SLCO5A1: variants seen among roughly 807,000 people sequenced by gnomAD.
SLCO5A1 encodes the protein organic anion transporter polypeptide-related protein 4.
In SLCO5A1, 39 loss-of-function variants were observed where a neutral mutation model predicts 65.1. The observed-to-expected ratio is 0.60, with a 90% CI of 0.46 to 0.78. SLCO5A1 has a LOEUF of 0.78. Ranked by LOEUF, SLCO5A1 falls within the 30% of genes least tolerant of loss-of-function variation. The pLI is 0.00. For missense variants in SLCO5A1, 1,029 were observed against 1,069.4 expected (o/e 0.96, Z 0.53); for synonymous variants, 438 against 415.7 (o/e 1.05, Z -0.65).
rs377275182 is a variant in SLCO5A1, at chr8:69,715,561, A to G, written c.1424-10332T>C. Among the ~76,000 whole-genome samples, 58 of 152,290 alleles carry G rather than the reference A, an allele frequency of 3.8e-4. 1 individual carries two copies. The South Asian group carries it at 6.6e-3, about 17-fold the overall frequency. ...CTAATAGCAGAACTGCAAAACCCTG[A>G]CAAAGCTACCCTTCCCCTAGGAGAA... is the stretch of plus-strand genomic sequence containing the variant. On this transcript the variant is annotated intron_variant, in intron 5 of 9. Coordinates refer to ENST00000260126, the MANE Select transcript of SLCO5A1 (RefSeq NM_030958.3).
intron 2 of SLCO5A1, among the ~76,000 whole-genome samples, chr8:69,814,259 A>C (rs530568138): frequency 6.6e-6 from 1 of 152,346 alleles, no homozygotes; most frequent in African/African-American, 2.4e-5. Flanking sequence ...CAGACAGCCC[A>C]CAGATCGCAA....
chr8:69,732,747 G>C (rs1268824035), intron 5 of SLCO5A1, among the ~76,000 whole-genome samples: 2 of 152,040 alleles, frequency 1.3e-5, no homozygotes, highest in Non-Finnish European at 2.9e-5. Flanking sequence ...AAATTAGCTA[G>C]GCATGGTGGC....
intron 4 of SLCO5A1, among the ~76,000 whole-genome samples, chr8:69,748,737 ACAGTG>A (rs1773701334): frequency 6.6e-6 from 1 of 152,210 alleles, no homozygotes. Flanking sequence ...TGTGGTTTTC[ACAGTG>A]CAGTTCCTGG....
intron 6 of SLCO5A1, among the ~76,000 whole-genome samples, chr8:69,686,024 A>G (rs1813982398): frequency 6.6e-6 from 1 of 152,206 alleles, no homozygotes; most frequent in African/African-American, 2.4e-5. Context: ...CCCTACCCCA[A>G]GATCTAAAGA....
At chr8:69,717,920 G>T (rs1815632253) in intron 5 of SLCO5A1, among the ~76,000 whole-genome samples, 1 of 152,064 alleles carries the variant, frequency 6.6e-6, no homozygotes, top group Admixed American at 6.5e-5. Context: ...TTTGTAGTGA[G>T]AACACACAAA....
rs1327955343 is a variant in SLCO5A1, at chr8:69,667,332, T to C, written c.*5537A>G. 1 of 151,894 alleles carries C rather than the reference T, an allele frequency of 6.6e-6. No individual in the cohort carries two copies. Among genetic ancestry groups the C allele is most frequent in the Non-Finnish European group, 1.5e-5 (1 of 67,944 alleles). 9.4% of individuals were successfully genotyped at this position (151,894 alleles called of 1,614,324 possible). On this transcript the variant is annotated 3_prime_UTR_variant, in exon 10 of 10. Coordinates refer to ENST00000260126, the MANE Select transcript of SLCO5A1 (RefSeq NM_030958.3). ...AACACACACTCCACTAAGAACCTAA[T>C]GCCAGTTTAGTTGACACAGTATTAC... is the stretch of plus-strand genomic sequence containing the variant.
intron 5 of SLCO5A1, among the ~76,000 whole-genome samples, chr8:69,715,111 C>T (rs974648261): frequency 6.6e-5 from 10 of 152,250 alleles, no homozygotes; most frequent in Admixed American, 5.2e-4. Flanking sequence ...TCTGCATCCA[C>T]GCGATAAACC....
intron 5 of SLCO5A1, among the ~76,000 whole-genome samples, chr8:69,722,800 T>TGTGTGTGC (rs1815884936): frequency 6.6e-6 from 1 of 152,018 alleles, no homozygotes; most frequent in South Asian, 2.1e-4. Flanking sequence ...TGTGTGTGTG[T>TGTGTGTGC]GTGTGTGAAT....
intron 6 of SLCO5A1, among the ~76,000 whole-genome samples, chr8:69,682,679 C>T (rs1180166392): frequency 1.3e-5 from 2 of 152,100 alleles, no homozygotes; most frequent in Admixed American, 6.6e-5. Flanking sequence ...TTACTGTAGG[C>T]GCCAGGCTCT....
intron 5 of SLCO5A1, among the ~76,000 whole-genome samples, chr8:69,722,165 C>T (rs1303104850): frequency 1.3e-5 from 2 of 151,976 alleles, no homozygotes; most frequent in Non-Finnish European, 2.9e-5. Flanking sequence ...AGCAAAGACT[C>T]CGTCTCAAAA....
intron 4 of SLCO5A1, among the ~76,000 whole-genome samples, chr8:69,754,712 A>T (rs1429540436): frequency 6.6e-6 from 1 of 152,232 alleles, no homozygotes; most frequent in Non-Finnish European, 1.5e-5. Context: ...GATCACTTCA[A>T]ATTGTTTAGG....
chr8:69,832,301 T>G lies in SLCO5A1; in HGVS notation c.373A>C (p.Thr125Pro). 1 of 1,613,938 alleles carries G rather than the reference T, an allele frequency of 6.2e-7. No homozygotes were observed. Among genetic ancestry groups the G allele is most frequent in the South Asian group, 1.1e-5 (1 of 91,066 alleles). The change falls in exon 2 of 10, where the codon ACG (threonine) becomes CCG (proline). Residue 125 changes from threonine to proline, a missense_variant. Physicochemically the swap from Thr to Pro is conservative, Grantham distance 38. Around this residue, in one of 3 missense-constraint regions of SLCO5A1, gnomAD observed 647 missense variants for 647.5 expected, o/e 1.00. Coordinates refer to ENST00000260126, the MANE Select transcript of SLCO5A1 (RefSeq NM_030958.3). The surrounding 1 kb of genome is among the most constrained non-coding windows in gnomAD (Gnocchi z 4.5). ...CACACCAGGAAGCAACGGGAATCCG[T>G]GAGGACCACGTAGAGGCACCTTCTC... ...QERRCLYVVL[T>P]DSRCFLVCMC...
At chr8:69,794,362 T>C in intron 2 of SLCO5A1, 1 of 430,566 alleles carries the variant, frequency 2.3e-6, no homozygotes, top group Admixed American at 2.7e-5. Context: ...ATAACTGCTC[T>C]CCTACTATTT....
intron 2 of SLCO5A1, among the ~76,000 whole-genome samples, chr8:69,791,087 G>C (rs1819249729): frequency 6.6e-6 from 1 of 152,144 alleles, no homozygotes; most frequent in Non-Finnish European, 1.5e-5. Flanking sequence ...AAAGAATAAA[G>C]GGCTGGAATT....
chr8:69,807,144 A>G (rs1331191212), intron 2 of SLCO5A1, among the ~76,000 whole-genome samples: 1 of 152,246 alleles, frequency 6.6e-6, no homozygotes, highest in African/African-American at 2.4e-5. Flanking sequence ...TACTGGCCAC[A>G]TCTGTGATCA....
intron 6 of SLCO5A1, among the ~76,000 whole-genome samples, chr8:69,686,101 A>G (rs771566799): frequency 6.6e-6 from 1 of 152,168 alleles, no homozygotes; most frequent in Non-Finnish European, 1.5e-5. Context: ...TAAATCAAAG[A>G]GAAGTCCCCT....
intron 3 of SLCO5A1, among the ~76,000 whole-genome samples, chr8:69,760,787 A>G (rs1478364824): frequency 6.6e-6 from 1 of 152,224 alleles, no homozygotes; most frequent in Non-Finnish European, 1.5e-5. Context: ...TGTTATTTGG[A>G]TAAATAACAT....
chr8:69,709,544 AAC>A (rs1815131735), intron 5 of SLCO5A1, among the ~76,000 whole-genome samples: 1 of 152,216 alleles, frequency 6.6e-6, no homozygotes, highest in African/African-American at 2.4e-5. Context: ...ACAGTTGAAA[AAC>A]ACAGAAAAGT....
chr8:69,809,557 A>C (rs549165101), intron 2 of SLCO5A1, among the ~76,000 whole-genome samples: 4 of 152,308 alleles, frequency 2.6e-5, no homozygotes, highest in African/African-American at 9.6e-5. Flanking sequence ...TGAGTCATTT[A>C]AAAGCAGCTT....
Sources: gnomAD v4.1 joint callset for allele counts (sites outside exome capture counted in the v4.1 genomes callset) on GRCh38, gnomAD v4.1.1 for gene constraint, gnomAD v4.1.1 regional missense constraint, Gnocchi (gnomAD v3.1) non-coding constraint, MANE v1.5 for transcripts, NCBI Gene and HGNC (gene_info 2026-07-23, HGNC 2026-07-21) for gene names.